GPC6: variants seen among roughly 807,000 people sequenced by gnomAD.
GPC6 encodes glypican-6.
Under a neutral mutation model 55.2 loss-of-function variants are expected in GPC6, and 14 were observed. The observed-to-expected ratio is 0.25, with a 90% CI of 0.17 to 0.40. GPC6 has a LOEUF of 0.40. Ranked by LOEUF, GPC6 falls within the 10% of genes least tolerant of loss-of-function variation. The pLI, the probability that GPC6 is intolerant of heterozygous loss-of-function variation, is 1.00. For missense variants in GPC6, 641 were observed against 708.5 expected, an observed-to-expected ratio of 0.90 and a Z score of 1.08; for synonymous variants, 278 against 259.6, an observed-to-expected ratio of 1.07 and a Z score of -0.68.
At chr13:93,600,901 G>A (rs541808107) in intron 2 of GPC6, among the ~76,000 whole-genome samples, 8 of 122,842 alleles carry the variant, frequency 6.5e-5, no homozygotes, top group Non-Finnish European at 1.3e-4. Flanking sequence ...AGTGAGCCGA[G>A]ATCACACCAT....
chr13:94,325,265 G>A (rs1402564920), intron 6 of GPC6, among the ~76,000 whole-genome samples: 1 of 152,176 alleles, frequency 6.6e-6, no homozygotes, highest in East Asian at 1.9e-4. Context: ...AGAATTCTAT[G>A]ATGAAGCCTG....
At chr13:93,761,664 C>T (rs570053870) in intron 2 of GPC6, among the ~76,000 whole-genome samples, 18 of 152,130 alleles carry the variant, frequency 1.2e-4, no homozygotes, top group African/African-American at 3.6e-4. Flanking sequence ...ACCACCACAC[C>T]GGGCTAATTT....
At chr13:94,003,465 G>T (rs547861025) in intron 3 of GPC6, among the ~76,000 whole-genome samples, 2 of 152,184 alleles carry the variant, frequency 1.3e-5, no homozygotes, top group African/African-American at 4.8e-5. Flanking sequence ...AGGGAGGATT[G>T]AGAGAGGTGT....
intron 3 of GPC6, among the ~76,000 whole-genome samples, chr13:94,005,368 G>T (rs1003808638): frequency 6.6e-6 from 1 of 152,144 alleles, no homozygotes; most frequent in African/African-American, 2.4e-5. Context: ...GCAATGATCT[G>T]CATAAAATAG....
intron 1 of GPC6, among the ~76,000 whole-genome samples, chr13:93,372,043 A>G (rs1874675841): frequency 6.6e-6 from 1 of 152,176 alleles, no homozygotes; most frequent in Non-Finnish European, 1.5e-5. Context: ...TTCTGAAGTG[A>G]TGAGCAAAAG....
At chr13:93,742,924 A>G (rs1447518779) in intron 2 of GPC6, among the ~76,000 whole-genome samples, 2 of 151,058 alleles carry the variant, frequency 1.3e-5, no homozygotes, top group Admixed American at 6.6e-5. Context: ...ATGTTTCACT[A>G]TGGAAAAATG....
At chr13:93,488,572 T>G (rs1421223029) in intron 1 of GPC6, among the ~76,000 whole-genome samples, 2 of 152,186 alleles carry the variant, frequency 1.3e-5, no homozygotes, top group African/African-American at 2.4e-5. Context: ...TTGAACTAGT[T>G]TACACTCCCA....
chr13:94,388,236 A>AG (rs1473158031), intron 7 of GPC6, among the ~76,000 whole-genome samples: 2 of 152,230 alleles, frequency 1.3e-5, no homozygotes, highest in African/African-American at 4.8e-5. Context: ...CACAAGCCTC[A>AG]GGGAGCATGT....
At chr13:93,844,165 A>G (rs1447085890) in intron 3 of GPC6, among the ~76,000 whole-genome samples, 1 of 151,966 alleles carries the variant, frequency 6.6e-6, no homozygotes, top group Non-Finnish European at 1.5e-5. Flanking sequence ...TTTAAGACAG[A>G]GTCTCGCTCT....
chr13:94,196,897 T>C (rs1337920605), intron 4 of GPC6, among the ~76,000 whole-genome samples: 3 of 152,238 alleles, frequency 2.0e-5, no homozygotes, highest in Non-Finnish European at 4.4e-5. Context: ...ATATTGGCTG[T>C]TATATTGGCT....
At chr13:94,288,947 A>ATAGC (rs1281679336) in intron 5 of GPC6, among the ~76,000 whole-genome samples, 20 of 15,654 alleles carry the variant, frequency 1.3e-3, no homozygotes, top group African/African-American at 5.4e-3. Flanking sequence ...AGATAGATAG[A>ATAGC]TAGATATATA....
intron 2 of GPC6, among the ~76,000 whole-genome samples, chr13:93,716,213 T>A (rs1462901789): frequency 6.6e-6 from 1 of 151,692 alleles, no homozygotes; most frequent in Non-Finnish European, 1.5e-5. Context: ...TTTATGCATT[T>A]ACTATACTAT....
chr13:94,209,001 A>G (rs989447087), intron 4 of GPC6, among the ~76,000 whole-genome samples: 1 of 152,132 alleles, frequency 6.6e-6, no homozygotes, highest in Non-Finnish European at 1.5e-5. Flanking sequence ...CATAATTGAT[A>G]TATAATATAT....
chr13:93,830,724 G>A, intron 3 of GPC6, 179 bp downstream of exon 3: 1 of 619,472 alleles, frequency 1.6e-6, no homozygotes, highest in Non-Finnish European at 2.8e-6. Context: ...TCCTTGCATT[G>A]TGTGAGAGAG....
chr13:94,293,105 A>ATCG (rs150474311), intron 5 of GPC6, among the ~76,000 whole-genome samples: 2,378 of 152,288 alleles, frequency 0.016, 31 homozygotes, highest in East Asian at 0.036. Flanking sequence ...TTTTGAGGAA[A>ATCG]GAATCTCCCA....
At chr13:94,372,237 A>T (rs370832272) in intron 6 of GPC6, among the ~76,000 whole-genome samples, 1 of 152,162 alleles carries the variant, frequency 6.6e-6, no homozygotes, top group African/African-American at 2.4e-5. Context: ...GAACAGCTCC[A>T]GTCTACAGCT....
intron 7 of GPC6, 87 bp from the exon 8 acceptor site, chr13:94,398,379 A>T (rs1235640776): frequency 3.3e-5 from 33 of 997,824 alleles, no homozygotes; most frequent in Non-Finnish European, 4.8e-5. Context: ...ACTGTCAGAG[A>T]CAGTCATCTG....
At chr13:94,123,917 T>C (rs898920371) in intron 4 of GPC6, among the ~76,000 whole-genome samples, 4 of 152,092 alleles carry the variant, frequency 2.6e-5, no homozygotes, top group African/African-American at 9.7e-5. Context: ...ATGTTCTTAT[T>C]ATAGATAGAA....
intron 2 of GPC6, among the ~76,000 whole-genome samples, chr13:93,754,620 AAGTATTGATAGG>A (rs1377682274): frequency 1.3e-5 from 2 of 152,132 alleles, no homozygotes; most frequent in Non-Finnish European, 2.9e-5. Context: ...GAGTACCAGT[AAGTATTGATAGG>A]AGTAAAACCC....
Sources: gnomAD v4.1 joint callset for allele counts (sites outside exome capture counted in the v4.1 genomes callset) on GRCh38, gnomAD v4.1.1 for gene constraint, MANE v1.5 for transcripts, NCBI Gene and HGNC (gene_info 2026-07-23, HGNC 2026-07-21) for gene names.